ZNF644: variants seen among roughly 807,000 people sequenced by gnomAD.
ZNF644 encodes the protein zinc finger motif enhancer binding protein 2.
A neutral mutation model predicts 108.0 loss-of-function variants in ZNF644; 20 were observed. That is an observed-to-expected ratio of 0.19 (90% CI 0.13 to 0.27). The LOEUF (loss-of-function observed/expected upper bound fraction) is 0.27, where lower values mean the gene tolerates loss of function less well. Ranked by LOEUF, ZNF644 falls within the 10% of genes least tolerant of loss-of-function variation. ZNF644 has a pLI of 1.00. For missense variants in ZNF644, 1,338 were observed against 1,548.9 expected (o/e 0.86, Z 2.29); for synonymous variants, 542 against 539.1 (o/e 1.01, Z -0.08).
intron 2 of ZNF644, among the ~76,000 whole-genome samples, chr1:90,965,437 C>T (rs890310695): frequency 6.6e-6 from 1 of 152,108 alleles, no homozygotes. Context: ...CCTCATTCAA[C>T]TTGATTACCT....
chr1:90,938,367 C>T lies in ZNF644; in HGVS notation c.2987G>A (p.Arg996His), dbSNP rs1651572486. 3 of 1,613,916 alleles carry T rather than the reference C, an allele frequency of 1.9e-6. No individual in the cohort carries two copies. Among genetic ancestry groups the T allele is most frequent in the African/African-American group, 1.3e-5 (1 of 75,018 alleles). ...TATTTGTTCTGGTGATACAACATGA[C>T]GGGCTTCATAGCTTAATCCTGCTCT... ...LHRAGLSYEA[R>H]HVVSPEQIAT... is the part of the protein sequence containing the mutation. The change falls in exon 3 of 6, where the codon CGT becomes CAT. Residue 996 changes from arginine to histidine, a missense_variant. Coordinates refer to ENST00000337393, the MANE Select transcript of ZNF644 (RefSeq NM_201269.3). The surrounding 1 kb of genome is among the most constrained non-coding windows in gnomAD (Gnocchi z 4.2).
chr1:90,928,192 G>A (rs968878612), intron 4 of ZNF644, among the ~76,000 whole-genome samples: 6 of 150,846 alleles, frequency 4.0e-5, no homozygotes, highest in South Asian at 2.1e-4. Context: ...TCACTCTGTC[G>A]CCCAGGCTGG....
At chr1:90,935,649 G>T in intron 4 of ZNF644, 2 of 656,166 alleles carry the variant, frequency 3.0e-6, no homozygotes, top group Non-Finnish European at 3.8e-6. Flanking sequence ...CAATGAAATA[G>T]GTTAACTTAA....
intron 2 of ZNF644, among the ~76,000 whole-genome samples, chr1:90,978,496 A>C (rs981765976): frequency 5.9e-5 from 9 of 152,230 alleles, no homozygotes; most frequent in African/African-American, 2.2e-4. Flanking sequence ...TTCATGCTAC[A>C]ACAAAGGGCA....
At chr1:90,977,651 G>A (rs1452900654) in intron 2 of ZNF644, among the ~76,000 whole-genome samples, 1 of 152,186 alleles carries the variant, frequency 6.6e-6, no homozygotes, top group Non-Finnish European at 1.5e-5. Context: ...AGAGTATTAA[G>A]TGGTACAACC....
intron 1 of ZNF644, among the ~76,000 whole-genome samples, chr1:91,007,354 C>T (rs1482007205): frequency 3.4e-5 from 5 of 146,950 alleles, no homozygotes; most frequent in African/African-American, 5.0e-5. Flanking sequence ...GCTGGGATTA[C>T]GGGTGCATAC....
chr1:90,922,864 T>C (rs1383564943), intron 4 of ZNF644, among the ~76,000 whole-genome samples: 2 of 152,092 alleles, frequency 1.3e-5, no homozygotes, highest in Non-Finnish European at 2.9e-5. Flanking sequence ...GTGTTAGTAA[T>C]AAATTCAATT....
chr1:90,992,086 C>T (rs113064096), intron 1 of ZNF644, among the ~76,000 whole-genome samples: 1,717 of 152,092 alleles, frequency 0.011, 14 homozygotes, highest in South Asian at 0.021. Context: ...ATGTAAAATT[C>T]CAGAATATGC....
intron 4 of ZNF644, among the ~76,000 whole-genome samples, chr1:90,923,855 G>A (rs995804834): frequency 3.3e-5 from 5 of 152,106 alleles, no homozygotes; most frequent in Admixed American, 1.3e-4. Flanking sequence ...GGTTGCTTGA[G>A]TTTGTCCTAC....
At chr1:90,983,785 G>A (rs1183378552) in intron 1 of ZNF644, among the ~76,000 whole-genome samples, 5 of 152,110 alleles carry the variant, frequency 3.3e-5, no homozygotes, top group African/African-American at 9.7e-5. Flanking sequence ...AAGTTAGCTG[G>A]GCGTGGTGGC....
At chr1:90,967,355 A>G (rs577530032) in intron 2 of ZNF644, among the ~76,000 whole-genome samples, 3 of 152,224 alleles carry the variant, frequency 2.0e-5, no homozygotes, top group Admixed American at 6.5e-5. Context: ...ACTCTGTGTC[A>G]AGTTCCTTTG....
rs76605823 is a variant in ZNF644, at chr1:90,965,620, G to A, written c.44+16690C>T. On this transcript the variant is annotated intron_variant, in intron 2 of 5. Coordinates refer to ENST00000337393, the MANE Select transcript of ZNF644 (RefSeq NM_201269.3). ...GGAGGACAAAAAATAGTTCCTAAAA[G>A]TTGTAAAATAACAGAATACTATTTT... Among the ~76,000 whole-genome samples, 256 of 152,206 alleles carry A rather than the reference G, an allele frequency of 1.7e-3. 4 individuals carry two copies. In the East Asian group the frequency reaches 0.042, roughly 25 times the overall value.
intron 2 of ZNF644, among the ~76,000 whole-genome samples, chr1:90,970,353 A>T (rs984919221): frequency 2.0e-5 from 3 of 152,194 alleles, no homozygotes; most frequent in African/African-American, 7.2e-5. Context: ...GACCAGTACT[A>T]AGAACCTAGC....
At chr1:90,991,579 C>T (rs999797554) in intron 1 of ZNF644, among the ~76,000 whole-genome samples, 2 of 152,286 alleles carry the variant, frequency 1.3e-5, no homozygotes, top group East Asian at 1.9e-4. Flanking sequence ...ACAGAAAGCA[C>T]GGCTGGGAAA....
chr1:90,921,771 A>G (rs918763585), intron 4 of ZNF644, among the ~76,000 whole-genome samples: 1 of 152,126 alleles, frequency 6.6e-6, no homozygotes, highest in African/African-American at 2.4e-5. Context: ...CCTTTCAGTA[A>G]GATATTTGTC....
intron 2 of ZNF644, among the ~76,000 whole-genome samples, chr1:90,950,302 G>GAGGGGAGGGCAGGGC (rs1557588257): frequency 4.3e-4 from 15 of 35,180 alleles, no homozygotes; most frequent in Non-Finnish European, 7.2e-4. Context: ...AAGGGGAGGG[G>GAGGGGAGGGCAGGGC]AGGGGACAAA....
At chr1:90,954,057 G>A (rs1225624035) in intron 2 of ZNF644, among the ~76,000 whole-genome samples, 1 of 152,198 alleles carries the variant, frequency 6.6e-6, no homozygotes, top group African/African-American at 2.4e-5. Context: ...AGTGGCAGAT[G>A]CTGAAGGTTG....
chr1:91,017,732 C>T (rs1457143057), intron 1 of ZNF644, among the ~76,000 whole-genome samples: 2 of 152,138 alleles, frequency 1.3e-5, no homozygotes, highest in Non-Finnish European at 2.9e-5. Flanking sequence ...GAGGCCAAGG[C>T]GGGTGAATCA....
intron 2 of ZNF644, among the ~76,000 whole-genome samples, chr1:90,975,536 C>T (rs1655914497): frequency 6.6e-6 from 1 of 150,416 alleles, no homozygotes; most frequent in Non-Finnish European, 1.5e-5. Flanking sequence ...CTCCTGGGTT[C>T]AAGTGATTCT....
Sources: allele counts gnomAD v4.1 joint callset (sites outside exome capture counted in the v4.1 genomes callset), GRCh38; gene constraint gnomAD v4.1.1; non-coding constraint Gnocchi (gnomAD v3.1); transcripts MANE v1.5; gene names NCBI Gene and HGNC (gene_info 2026-07-23, HGNC 2026-07-21).